Variants in ZRANB3 observed in about 807,000 individuals in gnomAD.
The protein encoded by ZRANB3 is zinc finger RANBP2-type containing 3.
ZRANB3 carries 125 observed loss-of-function variants against 133.8 expected under a neutral mutation model. That is an observed-to-expected ratio of 0.93 (90% CI 0.81 to 1.08). The LOEUF (loss-of-function observed/expected upper bound fraction) is 1.08, where lower values mean the gene tolerates loss of function less well. ZRANB3 is among the 50% of genes least tolerant of loss of function. The pLI is 0.00. For synonymous variants in ZRANB3, 387 were observed against 432.7 expected (o/e 0.89, Z 1.31); for missense variants, 1,229 against 1,275.5 (o/e 0.96, Z 0.56).
intron 19 of ZRANB3, among the ~76,000 whole-genome samples, chr2:135,203,623 A>AG (rs1298572216): frequency 1.3e-5 from 2 of 151,756 alleles, no homozygotes; most frequent in East Asian, 1.9e-4. Context: ...AAAAAAAAAA[A>AG]AAAAAAAAAA....
chr2:135,488,520 T>C (rs192779141), intron 2 of ZRANB3, among the ~76,000 whole-genome samples: 4 of 150,820 alleles, frequency 2.7e-5, no homozygotes, highest in Non-Finnish European at 4.4e-5. Context: ...CTGTATAGCA[T>C]ATATATTTGA....
At chr2:135,481,931 T>G (rs1405096984) in intron 2 of ZRANB3, among the ~76,000 whole-genome samples, 1 of 140,800 alleles carries the variant, frequency 7.1e-6, no homozygotes, top group South Asian at 2.3e-4. Flanking sequence ...GTTGTAGATA[T>G]GCGGCGTTAT....
intron 6 of ZRANB3, among the ~76,000 whole-genome samples, chr2:135,317,450 T>A (rs142412612): frequency 6.6e-6 from 1 of 152,198 alleles, no homozygotes. Context: ...TTAAAATGGA[T>A]TCTTAAGCAC....
At chr2:135,269,300 A>C (rs1473025332) in intron 10 of ZRANB3, among the ~76,000 whole-genome samples, 159 bp from the exon 11 acceptor site, 1 of 152,172 alleles carries the variant, frequency 6.6e-6, no homozygotes, top group Non-Finnish European at 1.5e-5. Context: ...AGGCAAATGA[A>C]GAATGTTTAA....
Position 135,271,712 on chromosome 2 carries a change from C to T in ZRANB3, c.1206+56G>A. ...ATAAACCAAAGTTATAGTGAATGGCCTTTTTTCTTATTTCAATGACATTTC... is the reference window on the plus strand; with the variant it reads ...ATAAACCAAAGTTATAGTGAATGGCTTTTTTTCTTATTTCAATGACATTTC... On this transcript the variant is annotated intron_variant, in intron 10 of 20. Coordinates refer to ENST00000264159, the MANE Select transcript of ZRANB3 (RefSeq NM_032143.4). 2.6e-6 allele frequency: 4 copies of T among 1,550,472 alleles called. No individual in the cohort carries two copies. The South Asian group carries it at 4.9e-5, about 19-fold the overall frequency.
At chr2:135,350,412 T>G (rs1685151890) in intron 4 of ZRANB3, among the ~76,000 whole-genome samples, 197 bp from the exon 5 acceptor site, 2 of 152,180 alleles carry the variant, frequency 1.3e-5, no homozygotes, top group African/African-American at 4.8e-5. Context: ...ATTTACAGTT[T>G]TGGTTAACCA....
chr2:135,477,848 G>T (rs140407822), intron 2 of ZRANB3, among the ~76,000 whole-genome samples: 632 of 152,104 alleles, frequency 4.2e-3, no homozygotes, highest in Middle Eastern at 0.02. Flanking sequence ...TATTAGCCAG[G>T]TATGATGGTA....
rs142517368 is a variant in ZRANB3, at chr2:135,324,632, T to A, written c.678-9102A>T. Among the ~76,000 whole-genome samples, 1,081 of 152,308 alleles carry A rather than the reference T, an allele frequency of 7.1e-3. 11 individuals carry two copies. Among genetic ancestry groups the A allele is most frequent in the African/African-American group, 0.024 (1,011 of 41,552 alleles). On this transcript the variant is annotated intron_variant, in intron 6 of 20. Transcript: ENST00000264159. The stretch of plus-strand genomic sequence containing the variant: ...TGGCTGGGTCAAATGGTATTTCTAG[T>A]TCTAGATCCTTGAGGAATCGCCACA...
At chr2:135,216,836 C>T (rs1694331393) in intron 17 of ZRANB3, among the ~76,000 whole-genome samples, 1 of 152,050 alleles carries the variant, frequency 6.6e-6, no homozygotes, top group Non-Finnish European at 1.5e-5. Flanking sequence ...TTACAAAGAA[C>T]AGGGATTTGA....
At chr2:135,217,323 C>A (rs1016377121) in intron 17 of ZRANB3, 142 bp downstream of exon 17, 3 of 806,820 alleles carry the variant, frequency 3.7e-6, no homozygotes, top group Non-Finnish European at 5.5e-6. Flanking sequence ...TGTTATGAAA[C>A]AATATGGCTG....
intron 2 of ZRANB3, among the ~76,000 whole-genome samples, chr2:135,482,383 G>C (rs1691862171): frequency 6.8e-6 from 1 of 146,132 alleles, no homozygotes; most frequent in Non-Finnish European, 1.5e-5. Flanking sequence ...AAGCAATTGT[G>C]AATGGGAGTT....
At chr2:135,432,254 A>ATG (rs1337617637) in intron 2 of ZRANB3, among the ~76,000 whole-genome samples, 1 of 152,146 alleles carries the variant, frequency 6.6e-6, no homozygotes, top group Non-Finnish European at 1.5e-5. Context: ...TCCATCTCAA[A>ATG]ATAATAATAA....
intron 18 of ZRANB3, among the ~76,000 whole-genome samples, chr2:135,208,361 C>T (rs1693965912): frequency 1.3e-5 from 2 of 152,140 alleles, no homozygotes; most frequent in African/African-American, 4.8e-5. Context: ...AAGACTTGCT[C>T]TTATAGGTAA....
At chr2:135,244,506 G>A (rs1695700159) in intron 12 of ZRANB3, among the ~76,000 whole-genome samples, 1 of 152,096 alleles carries the variant, frequency 6.6e-6, no homozygotes, top group African/African-American at 2.4e-5. Context: ...TACTCGGGAG[G>A]CTGACGCACG....
chr2:135,387,531 G>A (rs1051321931), intron 3 of ZRANB3, among the ~76,000 whole-genome samples: 5 of 152,108 alleles, frequency 3.3e-5, no homozygotes, highest in African/African-American at 9.7e-5. Context: ...GTGATCTTAC[G>A]TCTTGTATGT....
At chr2:135,489,781 G>T (rs1372777493) in intron 2 of ZRANB3, among the ~76,000 whole-genome samples, 3 of 151,410 alleles carry the variant, frequency 2.0e-5, no homozygotes, top group Non-Finnish European at 4.4e-5. Flanking sequence ...AAGGGTTTTG[G>T]AGAAAAAAAT....
chr2:135,230,013 T>C (rs1350139886), intron 13 of ZRANB3, among the ~76,000 whole-genome samples: 1 of 152,192 alleles, frequency 6.6e-6, no homozygotes, highest in African/African-American at 2.4e-5. Context: ...TGAAGATTGA[T>C]CCATAGAGGA....
intron 2 of ZRANB3, among the ~76,000 whole-genome samples, chr2:135,451,251 C>T (rs1215610750): frequency 6.6e-6 from 1 of 152,090 alleles, no homozygotes; most frequent in Non-Finnish European, 1.5e-5. Flanking sequence ...GAAATATATA[C>T]CATGTCTGGC....
At chr2:135,391,391 G>A (rs1360832607) in intron 2 of ZRANB3, among the ~76,000 whole-genome samples, 2 of 152,074 alleles carry the variant, frequency 1.3e-5, no homozygotes, top group Non-Finnish European at 2.9e-5. Flanking sequence ...CTTCAAAAAC[G>A]TGAGCAAAGT....
Sources: gnomAD v4.1 joint callset for allele counts (sites outside exome capture counted in the v4.1 genomes callset) on GRCh38, gnomAD v4.1.1 for gene constraint, MANE v1.5 for transcripts, NCBI Gene and HGNC (gene_info 2026-07-23, HGNC 2026-07-21) for gene names.